OPCML: variants seen among roughly 807,000 people sequenced by gnomAD.
OPCML encodes opioid binding protein/cell adhesion molecule like.
In OPCML, 13 loss-of-function variants were observed where a neutral mutation model predicts 37.8. The observed-to-expected ratio is 0.34, with a 90% confidence interval of 0.22 to 0.55. The LOEUF is 0.55. Among genes scored for constraint, OPCML ranks in the 20% least tolerant of loss-of-function variants. The probability of loss-of-function intolerance (pLI) is 0.91; values close to 1 mark genes in which losing one functional copy is unlikely to be tolerated. For missense variants in OPCML, 341 were observed against 435.6 expected, an observed-to-expected ratio of 0.78 and a Z score of 1.93; for synonymous variants, 176 against 168.8, an observed-to-expected ratio of 1.04 and a Z score of -0.33.
chr11:133,499,397 A>G (rs1947856824), intron 1 of OPCML, among the ~76,000 whole-genome samples: 1 of 152,186 alleles, frequency 6.6e-6, no homozygotes, highest in African/African-American at 2.4e-5. Context: ...CATCTGTTAC[A>G]TTTCCAATCG....
intron 1 of OPCML, chr11:133,067,555 C>T (rs936949793): frequency 4.6e-5 from 7 of 152,206 alleles, no homozygotes; most frequent in African/African-American, 1.7e-4. Flanking sequence ...CTGAAGGGAA[C>T]TTTAGAGCTG....
At chr11:132,694,179 CTTTTTTTTTTTTTTTTTTTTTTTTTT>C (rs1162305568) in intron 2 of OPCML, among the ~76,000 whole-genome samples, 3 of 43,016 alleles carry the variant, frequency 7.0e-5, no homozygotes, top group East Asian at 2.0e-3. Context: ...AAATCAATGT[CTTTTTTTTTTTTTTTTTTTTTTTTTT>C]TTTTTTTTTT....
intron 1 of OPCML, among the ~76,000 whole-genome samples, chr11:133,116,920 T>A (rs866150150): frequency 3.3e-5 from 5 of 151,960 alleles, no homozygotes; most frequent in African/African-American, 1.2e-4. Context: ...AAAATGGTGA[T>A]GTTTTGATTC....
intron 2 of OPCML, among the ~76,000 whole-genome samples, chr11:132,689,940 C>T (rs902045409): frequency 2.0e-5 from 3 of 152,138 alleles, no homozygotes; most frequent in African/African-American, 7.2e-5. Flanking sequence ...TGGGAGTGCT[C>T]ATATCTAATG....
intron 1 of OPCML, among the ~76,000 whole-genome samples, chr11:133,062,921 C>T (rs758421832): frequency 1.2e-4 from 19 of 152,260 alleles, no homozygotes; most frequent in Middle Eastern, 3.2e-3. Flanking sequence ...GCAGCTGCAG[C>T]GCTGGGGACT....
chr11:132,555,124 A>G (rs1273324851), intron 3 of OPCML, among the ~76,000 whole-genome samples: 3 of 152,084 alleles, frequency 2.0e-5, no homozygotes, highest in East Asian at 3.9e-4. Context: ...ACAAGGGAAA[A>G]TCATGTCTGA....
chr11:132,803,905 A>G (rs934424983), intron 2 of OPCML, among the ~76,000 whole-genome samples: 3 of 152,346 alleles, frequency 2.0e-5, no homozygotes, highest in African/African-American at 4.8e-5. Flanking sequence ...ATAGTAAGCC[A>G]TGCTCACTAT....
At chr11:132,682,220 G>T (rs918396554) in intron 2 of OPCML, among the ~76,000 whole-genome samples, 3 of 152,158 alleles carry the variant, frequency 2.0e-5, no homozygotes, top group African/African-American at 7.2e-5. Flanking sequence ...GGTAAGCAAG[G>T]CACCCTCGTC....
At chr11:133,503,525 G>A (rs1481002973) in intron 1 of OPCML, among the ~76,000 whole-genome samples, 3 of 152,128 alleles carry the variant, frequency 2.0e-5, no homozygotes, top group Admixed American at 6.5e-5. Flanking sequence ...TGTGCAACTG[G>A]CAACACCTTA....
At chr11:132,800,599 T>C (rs1404646509) in intron 2 of OPCML, among the ~76,000 whole-genome samples, 1 of 152,164 alleles carries the variant, frequency 6.6e-6, no homozygotes, top group Non-Finnish European at 1.5e-5. Context: ...GTCTAATTTC[T>C]TGAGTGTTTT....
chr11:133,005,383 T>C (rs1947089473), intron 1 of OPCML: 3 of 985,298 alleles, frequency 3.0e-6, no homozygotes, highest in Admixed American at 6.2e-5. Context: ...GTTTCTCAGA[T>C]ATCTGTCTAC....
chr11:132,740,598 C>A (rs1042346920), intron 2 of OPCML, among the ~76,000 whole-genome samples: 1 of 152,086 alleles, frequency 6.6e-6, no homozygotes, highest in African/African-American at 2.4e-5. Flanking sequence ...TATCACCTCG[C>A]TACTCTATCT....
intron 3 of OPCML, among the ~76,000 whole-genome samples, chr11:132,596,254 C>T (rs1291660779): frequency 1.3e-5 from 2 of 152,146 alleles, no homozygotes; most frequent in Non-Finnish European, 2.9e-5. Context: ...TATGCCTGGA[C>T]AAAGTACCAA....
intron 4 of OPCML, among the ~76,000 whole-genome samples, chr11:132,519,588 ACATATGGGTACC>A (rs1259331815): frequency 6.6e-6 from 1 of 152,098 alleles, no homozygotes; most frequent in Non-Finnish European, 1.5e-5. Context: ...AAGGGGGAAA[ACATATGGGTACC>A]CATATGGCGA....
At chr11:132,764,374 CCTGCTGGGGAAGTA>C (rs1946369020) in intron 2 of OPCML, among the ~76,000 whole-genome samples, 1 of 152,170 alleles carries the variant, frequency 6.6e-6, no homozygotes, top group Non-Finnish European at 1.5e-5. Context: ...ACTCATCCTA[CCTGCTGGGGAAGTA>C]ATCTTCCCTA....
In OPCML at chr11:133,070,273, C is replaced by G. The variant is rs141249357; in HGVS notation, c.62-127263G>C. The stretch of plus-strand genomic sequence containing the variant: ...GCATAATAATTAGCTCTGCAGCAAG[C>G]AAAGGCTGTCGTGTCTTTCAAACAG... On this transcript the variant is annotated intron_variant, in intron 1 of 7. Transcript: ENST00000524381. 2.3e-3 allele frequency among the ~76,000 whole-genome samples: 347 copies of G among 152,294 alleles called. 1 individual carries two copies. The highest frequency in any genetic ancestry group is 0.017 in the Middle Eastern group (5 of 294).
intron 1 of OPCML, among the ~76,000 whole-genome samples, chr11:133,319,593 T>C (rs746993838): frequency 1.2e-4 from 18 of 152,132 alleles, no homozygotes; most frequent in Admixed American, 4.6e-4. Flanking sequence ...AGGCAAAACA[T>C]AAAAAATAAA....
At chr11:133,480,796 A>G (rs1947355915) in intron 1 of OPCML, among the ~76,000 whole-genome samples, 1 of 152,362 alleles carries the variant, frequency 6.6e-6, no homozygotes, top group East Asian at 1.9e-4. Context: ...AGGATCATGC[A>G]ACATTTGTAT....
Position 132,671,888 on chromosome 11 carries a change from T to C in OPCML, c.147-14569A>G, listed in dbSNP as rs190420795. Among the ~76,000 whole-genome samples the C allele has an allele frequency of 2.0e-5, 3 of 152,218 alleles. No individual in the cohort carries two copies. The East Asian group carries it at 5.8e-4, about 29-fold the overall frequency. On this transcript the variant is annotated intron_variant, in intron 2 of 7. Transcript: ENST00000524381. ...AGAAATAAATCTTTAGAAATGCATATGTAGAAAATGTATAATTTACTCTGT... is the reference window on the plus strand; with the variant it reads ...AGAAATAAATCTTTAGAAATGCATACGTAGAAAATGTATAATTTACTCTGT...
Sources: allele counts gnomAD v4.1 joint callset (sites outside exome capture counted in the v4.1 genomes callset), GRCh38; gene constraint gnomAD v4.1.1; transcripts MANE v1.5; gene names NCBI Gene and HGNC (gene_info 2026-07-23, HGNC 2026-07-21).